The following RANBP9 variants were observed in gnomAD, a reference collection of about 807,000 sequenced individuals.
RANBP9 encodes ran-binding protein 9.
RANBP9 carries 15 observed loss-of-function variants against 84.3 expected under a neutral mutation model. The observed-to-expected ratio is 0.18, with a 90% CI of 0.12 to 0.27. The LOEUF (loss-of-function observed/expected upper bound fraction) is 0.27, where lower values mean the gene tolerates loss of function less well. RANBP9 is among the 10% of genes least tolerant of loss of function. The pLI, the probability that RANBP9 is intolerant of heterozygous loss-of-function variation, is 1.00. For synonymous variants in RANBP9, 392 were observed against 349.6 expected, an observed-to-expected ratio of 1.12 and a Z score of -1.35; for missense variants, 809 against 912.8, an observed-to-expected ratio of 0.89 and a Z score of 1.46.
chr6:13,677,464 CT>C lies in RANBP9; in HGVS notation c.684-18633del, dbSNP rs920649604. ...AAGTTACTGACACAGTAAGAGGGAT[CT>C]TTTTTTTATCTTACAAGACCTAAAA... On this transcript the variant is annotated intron_variant, in intron 2 of 13. Coordinates refer to ENST00000011619, the MANE Select transcript of RANBP9 (RefSeq NM_005493.3). Among the ~76,000 whole-genome samples the C allele has an allele frequency of 1.1e-4, 17 of 151,994 alleles. No homozygotes were observed. The East Asian group carries it at 1.7e-3, about 16-fold the overall frequency.
chr6:13,707,028 A>G lies in RANBP9; in HGVS notation c.571+3907T>C, dbSNP rs1291790684. On this transcript the variant is annotated intron_variant, in intron 1 of 13. Coordinates refer to ENST00000011619, the MANE Select transcript of RANBP9 (RefSeq NM_005493.3). ...CTCAAAAAAAAAAAAAAAAAATGCA[A>G]TTCACTATTTATTTACTTATTTTTT... Among the ~76,000 whole-genome samples, 3 of 150,228 alleles carry G rather than the reference A, an allele frequency of 2.0e-5. No individual in the cohort carries two copies. In the East Asian group the frequency reaches 5.8e-4, roughly 29 times the overall value.
intron 1 of RANBP9, among the ~76,000 whole-genome samples, chr6:13,703,493 T>C (rs1758027298): frequency 6.6e-6 from 1 of 152,254 alleles, no homozygotes. Context: ...ACTATCCTTG[T>C]ACCAGCAGGG....
chr6:13,673,704 A>C (rs2113313134), intron 2 of RANBP9, among the ~76,000 whole-genome samples: 1 of 152,318 alleles, frequency 6.6e-6, no homozygotes, highest in East Asian at 1.9e-4. Flanking sequence ...GATGAGCTCT[A>C]AGGGAAACTA....
Position 13,621,773 on chromosome 6 carries a change from AACT to A in RANBP9, c.*586_*588del, listed in dbSNP as rs1211016971. 4 of 152,678 alleles carry A rather than the reference AACT, an allele frequency of 2.6e-5. No homozygotes were observed. Among genetic ancestry groups the A allele is most frequent in the African/African-American group, 9.6e-5 (4 of 41,464 alleles). The allele number at this position is 152,678 out of a possible 1,614,324, so 9.5% of individuals were successfully genotyped here. A position where few individuals can be genotyped will look rare whatever the true frequency, so the allele number is the denominator to read the frequency against. On this transcript the variant is annotated 3_prime_UTR_variant, in exon 14 of 14. Coordinates refer to ENST00000011619, the MANE Select transcript of RANBP9 (RefSeq NM_005493.3). ...GTTGAAAAAGACCATGTTAAAACAA[AACT>A]ACTGGGACTAACAGGTCGGGATTGT...
chr6:13,686,099 T>TC (rs1371031333), intron 2 of RANBP9, among the ~76,000 whole-genome samples: 1 of 8,844 alleles, frequency 1.1e-4, no homozygotes. Context: ...CCAAAATTTC[T>TC]TCCCCCCCCC....
At chr6:13,697,917 T>C (rs1757879120) in intron 1 of RANBP9, among the ~76,000 whole-genome samples, 1 of 152,196 alleles carries the variant, frequency 6.6e-6, no homozygotes, top group Non-Finnish European at 1.5e-5. Flanking sequence ...ACTATAAAAT[T>C]ATCTTCATGG....
intron 1 of RANBP9, among the ~76,000 whole-genome samples, chr6:13,704,178 C>T (rs2113368488): frequency 6.6e-6 from 1 of 152,318 alleles, no homozygotes; most frequent in South Asian, 2.1e-4. Flanking sequence ...AATGAATTTA[C>T]TATTCCCACT....
At chr6:13,708,804 G>C (rs963906281) in intron 1 of RANBP9, among the ~76,000 whole-genome samples, 1 of 148,564 alleles carries the variant, frequency 6.7e-6, no homozygotes, top group African/African-American at 2.5e-5. Context: ...AAAATCAACA[G>C]TAACAACGGA....
At chr6:13,636,341 G>A (rs765272804) in intron 10 of RANBP9, among the ~76,000 whole-genome samples, 4 of 152,202 alleles carry the variant, frequency 2.6e-5, no homozygotes, top group Non-Finnish European at 5.9e-5. Context: ...CTACTTCACA[G>A]TTAGGAAAGC....
intron 2 of RANBP9, among the ~76,000 whole-genome samples, chr6:13,689,953 A>T (rs1460055595): frequency 1.3e-5 from 2 of 152,206 alleles, no homozygotes; most frequent in Non-Finnish European, 2.9e-5. Context: ...CTATGTATGT[A>T]GTCCTCTGTT....
In RANBP9 at chr6:13,701,770, CA is replaced by C. The variant is rs942062687; in HGVS notation, c.572-4875del. Among the ~76,000 whole-genome samples, 592 of 134,154 alleles carry C rather than the reference CA, an allele frequency of 4.4e-3. 2 individuals carry two copies. Among genetic ancestry groups the C allele is most frequent in the African/African-American group, 0.015 (530 of 36,472 alleles). 88.0% of individuals were successfully genotyped at this position (134,154 alleles called of 152,430 possible). On this transcript the variant is annotated intron_variant, in intron 1 of 13. Coordinates refer to ENST00000011619, the MANE Select transcript of RANBP9 (RefSeq NM_005493.3). Reference sequence around the variant, plus strand: ...GGGCGACAAGAGCAAGGCTCCATCTCAAAAAAAAAAAACCAAAAAAACAAAA... The same window carrying C: ...GGGCGACAAGAGCAAGGCTCCATCTCAAAAAAAAAAACCAAAAAAACAAAA...
chr6:13,711,372 G>A lies in RANBP9; in HGVS notation c.134C>T (p.Ser45Phe), dbSNP rs2113379952. ...LPAPPAVSAG[S>F]SPAGSPGGGA... ...GCCGCCGGGCGAGCCGGCCGGAGAA[G>A]AGCCGGCGCTGACGGCCGGGGGCGC... Residue 45 changes from serine to phenylalanine, a missense_variant, in exon 1 of 14, where the codon TCT (serine) becomes TTT (phenylalanine). Ser to Phe is a radical substitution (Grantham distance 155). Coordinates refer to ENST00000011619, the MANE Select transcript of RANBP9 (RefSeq NM_005493.3). 2 of 1,165,544 alleles carry A rather than the reference G, an allele frequency of 1.7e-6. No homozygotes were observed. Among genetic ancestry groups the A allele is most frequent in the Non-Finnish European group, 2.1e-6 (2 of 945,668 alleles). The allele number at this position is 1,165,544 out of a possible 1,614,324, so 72.2% of individuals were successfully genotyped here.
At chr6:13,629,909 C>CG (rs1764728150) in intron 12 of RANBP9, among the ~76,000 whole-genome samples, 2 of 122,600 alleles carry the variant, frequency 1.6e-5, no homozygotes, top group East Asian at 3.6e-4. Flanking sequence ...CTCTCTCTCT[C>CG]TCTCTCTCTC....
chr6:13,641,926 T>G (rs748306787), intron 7 of RANBP9, among the ~76,000 whole-genome samples: 1 of 152,186 alleles, frequency 6.6e-6, no homozygotes, highest in Non-Finnish European at 1.5e-5. Flanking sequence ...ATCTCTATAC[T>G]CTTGTCAAGT....
chr6:13,654,765 A>G lies in RANBP9; in HGVS notation c.905-2084T>C, dbSNP rs1765363786. On this transcript the variant is annotated intron_variant, in intron 4 of 13. Transcript: ENST00000011619. Reference sequence around the variant, plus strand: ...CTAATGAAATTTTATTTTAAAATAAACAGGAGGCTAACTTGGCCATAGCTT... The same window carrying G: ...CTAATGAAATTTTATTTTAAAATAAGCAGGAGGCTAACTTGGCCATAGCTT... 2.0e-5 allele frequency among the ~76,000 whole-genome samples: 3 copies of G among 152,246 alleles called. No homozygotes were observed. In the South Asian group the frequency reaches 6.2e-4, roughly 32 times the overall value.
In RANBP9 at chr6:13,622,203, A is replaced by C; in HGVS notation, c.*159T>G. On this transcript the variant is annotated 3_prime_UTR_variant, in exon 14 of 14. Coordinates refer to ENST00000011619, the MANE Select transcript of RANBP9 (RefSeq NM_005493.3). ...ATTTCTCCTAACACTAAGTTAGAAAATCATTTGCATCATGCTGTAAACTAG... is the reference window on the plus strand; with the variant it reads ...ATTTCTCCTAACACTAAGTTAGAAACTCATTTGCATCATGCTGTAAACTAG... 2 of 660,708 alleles carry C rather than the reference A, an allele frequency of 3.0e-6. No individual in the cohort carries two copies. Among genetic ancestry groups the C allele is most frequent in the Non-Finnish European group, 4.3e-6 (2 of 461,948 alleles). The allele number at this position is 660,708 out of a possible 1,614,324, so 40.9% of individuals were successfully genotyped here.
intron 2 of RANBP9, among the ~76,000 whole-genome samples, chr6:13,667,362 T>TA (rs1765674289): frequency 6.6e-6 from 1 of 152,200 alleles, no homozygotes; most frequent in African/African-American, 2.4e-5. Context: ...CTTTTGGCAG[T>TA]ATATTAATGA....
chr6:13,646,116 T>C (rs1765170009), intron 5 of RANBP9, among the ~76,000 whole-genome samples: 1 of 152,020 alleles, frequency 6.6e-6, no homozygotes, highest in Non-Finnish European at 1.5e-5. Flanking sequence ...ACCTAAAGAC[T>C]TTATAGAAAC....
In RANBP9 at chr6:13,711,385, C is replaced by G. The variant is rs1758279554; in HGVS notation, c.121G>C (p.Val41Leu). 8.5e-7 allele frequency: 1 copy of G among 1,173,252 alleles called. No homozygotes were observed. 72.7% of individuals were successfully genotyped at this position (1,173,252 alleles called of 1,614,324 possible). A position where few individuals can be genotyped will look rare whatever the true frequency, so the allele number is the denominator to read the frequency against. The change falls in exon 1 of 14, where the codon GTC (valine) becomes CTC (leucine). Residue 41 changes from valine (V) to leucine (L), a missense_variant. Val to Leu is a conservative substitution (Grantham distance 32). This residue lies in a region of RANBP9 where 302 missense variants were observed against 240.1 expected (regional missense o/e 1.26). Transcript: ENST00000011619. ...SGVVLPAPPAVSAGSSPAGSP... is the reference protein window; with the variant it reads ...SGVVLPAPPALSAGSSPAGSP... The stretch of plus-strand genomic sequence containing the variant: ...CCGGCCGGAGAAGAGCCGGCGCTGA[C>G]GGCCGGGGGCGCCGGCAGGACGACT...
Sources: gnomAD v4.1 joint callset for allele counts (sites outside exome capture counted in the v4.1 genomes callset) on GRCh38, gnomAD v4.1.1 for gene constraint, gnomAD v4.1.1 regional missense constraint, MANE v1.5 for transcripts, NCBI Gene and HGNC (gene_info 2026-07-23, HGNC 2026-07-21) for gene names.